Variants in ZNF91 observed in about 807,000 individuals in gnomAD.
ZNF91 encodes the protein zinc finger protein 91 (HPF7, HTF10).
ZNF91 carries 7 observed loss-of-function variants against 12.6 expected under a neutral mutation model. That is an observed-to-expected ratio of 0.55 (90% CI 0.31 to 1.04). ZNF91 has a LOEUF of 1.04. Ranked by LOEUF, ZNF91 falls within the 50% of genes least tolerant of loss-of-function variation. The pLI, the probability that ZNF91 is intolerant of heterozygous loss-of-function variation, is 0.05. For synonymous variants in ZNF91, 453 were observed against 462.6 expected, an observed-to-expected ratio of 0.98 and a Z score of 0.27; for missense variants, 1,217 against 1,385.4, an observed-to-expected ratio of 0.88 and a Z score of 1.93.
chr19:23,321,425 A>G (rs1967692407), intron 1 of ZNF91, among the ~76,000 whole-genome samples: 1 of 152,042 alleles, frequency 6.6e-6, no homozygotes, highest in Admixed American at 6.6e-5. Flanking sequence ...GCCTGGGCCC[A>G]GCCTAAAAAG....
At chr19:23,321,024 C>G (rs190145072) in intron 1 of ZNF91, among the ~76,000 whole-genome samples, 1 of 152,280 alleles carries the variant, frequency 6.6e-6, no homozygotes, top group East Asian at 1.9e-4. Flanking sequence ...CTGCACAGAT[C>G]CAGTTCACAG....
intron 1 of ZNF91, among the ~76,000 whole-genome samples, chr19:23,390,509 C>T (rs1353015379): frequency 6.6e-6 from 1 of 152,164 alleles, no homozygotes; most frequent in Admixed American, 6.5e-5. Context: ...TGCCCACCAC[C>T]ACCACGCCCG....
intron 1 of ZNF91, among the ~76,000 whole-genome samples, chr19:23,375,079 G>A (rs1164854012): frequency 6.6e-6 from 1 of 151,994 alleles, no homozygotes; most frequent in Non-Finnish European, 1.5e-5. Flanking sequence ...AGAATGACTT[G>A]TGTATTTTTT....
At chr19:23,366,234 C>T (rs182053041) in intron 3 of ZNF91, among the ~76,000 whole-genome samples, 119 of 151,816 alleles carry the variant, frequency 7.8e-4, no homozygotes, top group African/African-American at 2.7e-3. Flanking sequence ...GGCGGCTGGC[C>T]GGGCGGGGGG....
intron 3 of ZNF91, among the ~76,000 whole-genome samples, chr19:23,364,583 G>GT (rs71163491): frequency 2.0e-4 from 30 of 148,598 alleles, no homozygotes; most frequent in East Asian, 1.4e-3. Context: ...GGTAAATTTT[G>GT]TTTTTTTTTT....
At chr19:23,312,095 C>T (rs1369896012), upstream of ZNF91, among the ~76,000 whole-genome samples, 1 of 152,040 alleles carries the variant, frequency 6.6e-6, no homozygotes, top group African/African-American at 2.4e-5. Context: ...AACACAGGTA[C>T]TGTGACTCTC....
intron 1 of ZNF91, chr19:23,326,519 G>A (rs1245976675): frequency 6.6e-6 from 1 of 152,088 alleles, no homozygotes; most frequent in Non-Finnish European, 1.5e-5. Context: ...GTAGAGACAG[G>A]TTTCACCACA....
At chr19:23,383,841 G>A (rs1969793325) in intron 1 of ZNF91, among the ~76,000 whole-genome samples, 1 of 152,188 alleles carries the variant, frequency 6.6e-6, no homozygotes, top group South Asian at 2.1e-4. Flanking sequence ...GCTGGATGCA[G>A]TGGCTCACAC....
chr19:23,373,287 A>G (rs1969353878), intron 3 of ZNF91, among the ~76,000 whole-genome samples: 1 of 149,946 alleles, frequency 6.7e-6, no homozygotes, highest in Non-Finnish European at 1.5e-5. Flanking sequence ...AGAAAAATTT[A>G]AAGTCATTGA....
chr19:23,339,472 T>A (rs1403900559), intron 3 of ZNF91: 1 of 152,156 alleles, frequency 6.6e-6, no homozygotes, highest in African/African-American at 2.4e-5. Context: ...ACCATTGAGA[T>A]AGGAAATCTG....
chr19:23,345,933 AC>A (rs549339419), intron 3 of ZNF91, among the ~76,000 whole-genome samples: 32 of 150,206 alleles, frequency 2.1e-4, no homozygotes, highest in African/African-American at 7.6e-4. Flanking sequence ...TGTTAACTCA[AC>A]CCCCCTCCCC....
rs749509784 is a variant in ZNF91 at position 23,361,105 on chromosome 19, G to T, written c.1874C>A (p.Thr625Asn). The T allele has an allele frequency of 6.2e-7, 1 of 1,613,748 alleles. No homozygotes were observed. The change falls in exon 4 of 4, where the codon ACT becomes AAT. Residue 625 changes from threonine (T) to asparagine (N), a missense_variant. This residue lies in a region of ZNF91 where 726 missense variants were observed against 895.5 expected (regional missense o/e 0.81). Coordinates refer to ENST00000300619, the MANE Select transcript of ZNF91 (RefSeq NM_003430.4). The part of the protein sequence containing the change: ...STLRRHKRIH[T>N]GEKPYKCEEC... ...TTCACATTTGTAGGGTTTCTCTCCA[G>T]TGTGTATCCTCTTATGTCTTCTTAG...
intron 3 of ZNF91, among the ~76,000 whole-genome samples, chr19:23,371,711 GT>G (rs1286852851): frequency 6.6e-6 from 1 of 152,156 alleles, no homozygotes; most frequent in Non-Finnish European, 1.5e-5. Context: ...AAACGGCAAT[GT>G]TTGACTAACT....
intron 3 of ZNF91, among the ~76,000 whole-genome samples, chr19:23,351,346 GAAAGA>G (rs1452110714): frequency 6.9e-6 from 1 of 145,970 alleles, no homozygotes; most frequent in Non-Finnish European, 1.5e-5. Flanking sequence ...AAAAAAAAAA[GAAAGA>G]AAAGAAAAGA....
At chr19:23,319,977 T>C (rs569334883) in intron 1 of ZNF91, among the ~76,000 whole-genome samples, 1 of 152,274 alleles carries the variant, frequency 6.6e-6, no homozygotes, top group African/African-American at 2.4e-5. Flanking sequence ...TTGCATGTTG[T>C]ATAAAGCCCA....
chr19:23,349,154 G>GCT (rs1377135281), intron 3 of ZNF91, among the ~76,000 whole-genome samples: 1 of 152,106 alleles, frequency 6.6e-6, no homozygotes, highest in African/African-American at 2.4e-5. Flanking sequence ...TTGTGATCCT[G>GCT]CTCTACCCTT....
At chr19:23,337,016 A>G (rs1190798837), downstream of ZNF91, among the ~76,000 whole-genome samples, 2 of 152,186 alleles carry the variant, frequency 1.3e-5, no homozygotes, top group African/African-American at 4.8e-5. Flanking sequence ...TGTTGGGTGC[A>G]AGTATAATTT....
chr19:23,333,581 T>A (rs1369961560), intron 1 of ZNF91, among the ~76,000 whole-genome samples: 6 of 152,270 alleles, frequency 3.9e-5, no homozygotes, highest in Non-Finnish European at 7.4e-5. Context: ...CCTAGATTCT[T>A]TTATGAGGGT....
At chr19:23,315,795 A>G (rs1325209958) in intron 1 of ZNF91, among the ~76,000 whole-genome samples, 2 of 152,160 alleles carry the variant, frequency 1.3e-5, no homozygotes, top group Non-Finnish European at 2.9e-5. Context: ...CACCAAGGTC[A>G]TGTGACACTT....
Sources: allele counts gnomAD v4.1 joint callset (sites outside exome capture counted in the v4.1 genomes callset), GRCh38; gene constraint gnomAD v4.1.1; regional missense constraint gnomAD v4.1.1; transcripts MANE v1.5; gene names NCBI Gene and HGNC (gene_info 2026-07-23, HGNC 2026-07-21).